The following MPPED1 variants were observed in gnomAD, a reference collection of about 807,000 sequenced individuals.
MPPED1 encodes metallophosphoesterase domain containing 1.
A neutral mutation model predicts 36.2 loss-of-function variants in MPPED1; 16 were observed. That is an observed-to-expected ratio of 0.44 (90% confidence interval 0.30 to 0.67). The LOEUF (loss-of-function observed/expected upper bound fraction) is 0.67. Ranked by LOEUF, MPPED1 falls within the 30% of genes least tolerant of loss-of-function variation. MPPED1 has a pLI of 0.10. For synonymous variants in MPPED1, 199 were observed against 191.3 expected (o/e 1.04, Z -0.33); for missense variants, 307 against 453.4 (o/e 0.68, Z 2.93).
chr22:43,475,059 G>A (rs1036952844), intron 4 of MPPED1, 98 bp downstream of exon 4: 14 of 1,080,274 alleles, frequency 1.3e-5, no homozygotes, highest in East Asian at 4.9e-5. Context: ...AGGGAGCTCC[G>A]GATGCGAGGC....
chr22:43,445,878 A>AC (rs1930323202), intron 3 of MPPED1, among the ~76,000 whole-genome samples: 1 of 52,182 alleles, frequency 1.9e-5, no homozygotes, highest in African/African-American at 6.9e-5. Flanking sequence ...CCTGGTGTTT[A>AC]CATTTTCTTT....
At chr22:43,447,578 G>A (rs527263452) in intron 3 of MPPED1, among the ~76,000 whole-genome samples, 5 of 151,866 alleles carry the variant, frequency 3.3e-5, no homozygotes, top group South Asian at 2.1e-4. Context: ...GAATACGATC[G>A]CCACTTAGAG....
At position 43,502,825 on chromosome 22, in the gene MPPED1, C is replaced by T; in HGVS notation, c.862+68C>T. On this transcript the variant is annotated intron_variant, in intron 6 of 6. Coordinates refer to ENST00000443721, the MANE Select transcript of MPPED1 (RefSeq NM_001044370.2). The surrounding 1 kb of genome is among the most constrained non-coding windows in gnomAD (Gnocchi z 5.5). ...CCTAATGGACCCTCCAGCAGGACCT[C>T]CCCTTCGTTCAGCCAGAAGGGAAAT... 7.6e-7 allele frequency: 1 copy of T among 1,322,432 alleles called. No individual in the cohort carries two copies. Among genetic ancestry groups the T allele is most frequent in the Non-Finnish European group, 1.1e-6 (1 of 918,244 alleles). The allele number at this position is 1,322,432 out of a possible 1,614,324, so 81.9% of individuals were successfully genotyped here. A position where few individuals can be genotyped will look rare whatever the true frequency, so the allele number is the denominator to read the frequency against.
intron 4 of MPPED1, among the ~76,000 whole-genome samples, chr22:43,481,986 C>CGTTCCAGGG (rs1228096789): frequency 2.6e-5 from 4 of 152,200 alleles, no homozygotes; most frequent in Non-Finnish European, 5.9e-5. Flanking sequence ...GGCGCCGTGA[C>CGTTCCAGGG]GTTCCAGGGC....
Position 43,505,656 on chromosome 22 carries a change from T to G in MPPED1, c.*40T>G. On this transcript the variant is annotated 3_prime_UTR_variant, in exon 7 of 7. Coordinates refer to ENST00000443721, the MANE Select transcript of MPPED1 (RefSeq NM_001044370.2). Reference sequence around the variant, plus strand: ...CCCTGCCCTGCCCGCCCGTGTCAGCTCCACAGGCCTGGCCCGGCCACTGTT... The same window carrying G: ...CCCTGCCCTGCCCGCCCGTGTCAGCGCCACAGGCCTGGCCCGGCCACTGTT... The G allele has an allele frequency of 6.5e-7, 1 of 1,536,758 alleles. No individual in the cohort carries two copies.
chr22:43,492,742 C>A (rs1191070008), intron 4 of MPPED1, among the ~76,000 whole-genome samples: 8 of 152,156 alleles, frequency 5.3e-5, no homozygotes, highest in Admixed American at 5.2e-4. Flanking sequence ...TTCTTCTCCC[C>A]CAAGAACCGG....
chr22:43,414,257 T>C (rs1929002587), intron 1 of MPPED1, among the ~76,000 whole-genome samples: 2 of 152,232 alleles, frequency 1.3e-5, no homozygotes, highest in African/African-American at 4.8e-5. Flanking sequence ...TAAGTTCATT[T>C]GTTCTTCTTT....
chr22:43,466,206 C>G (rs558282302), intron 3 of MPPED1, among the ~76,000 whole-genome samples: 2 of 152,192 alleles, frequency 1.3e-5, no homozygotes, highest in East Asian at 3.9e-4. Flanking sequence ...TAAATCCAGG[C>G]ACCAGAGCTG....
chr22:43,494,957 G>T (rs1166754348), intron 4 of MPPED1, among the ~76,000 whole-genome samples: 1 of 152,080 alleles, frequency 6.6e-6, no homozygotes, highest in Admixed American at 6.6e-5. Context: ...TCCTTATAAG[G>T]GCACTGATCC....
At chr22:43,424,864 C>G in intron 1 of MPPED1, 44 bp from the exon 2 acceptor site, 1 of 1,470,774 alleles carries the variant, frequency 6.8e-7, no homozygotes, top group Non-Finnish European at 9.0e-7. Context: ...TAAAGCAAAT[C>G]CCAAACAGAT....
At chr22:43,498,851 T>G (rs1296162234) in intron 5 of MPPED1, among the ~76,000 whole-genome samples, 1 of 150,712 alleles carries the variant, frequency 6.6e-6, no homozygotes, top group Non-Finnish European at 1.5e-5. Flanking sequence ...GCATACTGCC[T>G]CCTCCACCCC....
chr22:43,490,729 G>A (rs1456857648), intron 4 of MPPED1, among the ~76,000 whole-genome samples: 3 of 152,238 alleles, frequency 2.0e-5, no homozygotes, highest in Admixed American at 6.5e-5. Flanking sequence ...GAAATGTGTT[G>A]CTTGTTTTTC....
intron 3 of MPPED1, among the ~76,000 whole-genome samples, chr22:43,450,779 T>C (rs1180193736): frequency 6.6e-6 from 1 of 151,982 alleles, no homozygotes; most frequent in Non-Finnish European, 1.5e-5. Context: ...TAGGCTGGAG[T>C]GCAATGGTGC....
intron 3 of MPPED1, among the ~76,000 whole-genome samples, chr22:43,447,883 A>ATTTTTT (rs776108565): frequency 5.9e-5 from 4 of 67,738 alleles, no homozygotes; most frequent in African/African-American, 2.0e-4. Flanking sequence ...ATATATATAT[A>ATTTTTT]TTTTTTTTTT....
chr22:43,497,914 A>G (rs1932473123), intron 4 of MPPED1, among the ~76,000 whole-genome samples: 1 of 60,614 alleles, frequency 1.6e-5, no homozygotes, highest in African/African-American at 9.8e-5. Flanking sequence ...CTTAGGAAGA[A>G]GCTGATATAT....
chr22:43,477,285 G>A (rs2146888837), intron 4 of MPPED1, among the ~76,000 whole-genome samples: 1 of 152,372 alleles, frequency 6.6e-6, no homozygotes, highest in East Asian at 1.9e-4. Context: ...CCGCAAGGGA[G>A]GCTGTGAGCT....
At chr22:43,454,772 A>G (rs551701717) in intron 3 of MPPED1, among the ~76,000 whole-genome samples, 1 of 152,300 alleles carries the variant, frequency 6.6e-6, no homozygotes, top group African/African-American at 2.4e-5. Context: ...GCTGGTCTCG[A>G]ACTCATGACC....
intron 3 of MPPED1, among the ~76,000 whole-genome samples, chr22:43,472,367 C>T (rs934037282): frequency 5.3e-5 from 8 of 152,122 alleles, no homozygotes; most frequent in African/African-American, 1.9e-4. Flanking sequence ...TGTACATTTC[C>T]ATTGATTATC....
Position 43,498,217 on chromosome 22 carries a change from C to T in MPPED1, c.633-18C>T, listed in dbSNP as rs1429077654. The T allele has an allele frequency of 6.5e-7, 1 of 1,530,240 alleles. No individual in the cohort carries two copies. The highest frequency in any genetic ancestry group is 8.8e-7 in the Non-Finnish European group (1 of 1,142,352). 94.8% of individuals were successfully genotyped at this position (1,530,240 alleles called of 1,614,324 possible). Reference sequence around the variant, plus strand: ...ACTTTCACCCGCCCTCCCTCAAACACCTGCACTTCTTCTACAGGCAGCCCT... The same window carrying T: ...ACTTTCACCCGCCCTCCCTCAAACATCTGCACTTCTTCTACAGGCAGCCCT... On this transcript the variant is annotated intron_variant, in intron 4 of 6. Transcript: ENST00000443721.
Sources: gnomAD v4.1 joint callset for allele counts (sites outside exome capture counted in the v4.1 genomes callset) on GRCh38, gnomAD v4.1.1 for gene constraint, Gnocchi (gnomAD v3.1) non-coding constraint, MANE v1.5 for transcripts, NCBI Gene and HGNC (gene_info 2026-07-23, HGNC 2026-07-21) for gene names.